TBC1D19: variants seen among roughly 807,000 people sequenced by gnomAD.
TBC1D19 encodes TBC1 domain family, member 19.
A neutral mutation model predicts 89.0 loss-of-function variants in TBC1D19; 60 were observed. That is an observed-to-expected ratio of 0.67 (90% CI 0.55 to 0.84). The LOEUF is 0.84. TBC1D19 is among the 40% of genes least tolerant of loss of function. The pLI, the probability that TBC1D19 is intolerant of heterozygous loss-of-function variation, is 0.00. For missense variants in TBC1D19, 500 were observed against 610.8 expected, an observed-to-expected ratio of 0.82 and a Z score of 1.91; for synonymous variants, 189 against 199.7, an observed-to-expected ratio of 0.95 and a Z score of 0.45.
intron 1 of TBC1D19, among the ~76,000 whole-genome samples, chr4:26,579,028 C>A (rs1042672719): frequency 3.3e-5 from 5 of 152,112 alleles, no homozygotes; most frequent in African/African-American, 9.7e-5. Context: ...AATGGGTTAG[C>A]CTTATTTGTG....
intron 8 of TBC1D19, 65 bp from the exon 9 acceptor site, chr4:26,666,268 T>C: frequency 7.6e-7 from 1 of 1,309,334 alleles, no homozygotes; most frequent in East Asian, 2.3e-5. Context: ...AAGGCAAAGG[T>C]GATCTTTTAA....
chr4:26,766,327 G>T, the TBC1D19 span, among the ~76,000 whole-genome samples: 1 of 152,180 alleles, frequency 6.6e-6, no homozygotes, highest in Non-Finnish European at 1.5e-5. Context: ...ACTGTATGAG[G>T]AACAGGAACT....
chr4:26,762,563 G>A, the TBC1D19 span, among the ~76,000 whole-genome samples: 2 of 152,064 alleles, frequency 1.3e-5, no homozygotes, highest in Admixed American at 6.6e-5. Flanking sequence ...AAGTAATGGC[G>A]CCATCCTTCC....
chr4:26,821,576 G>C, the TBC1D19 span, among the ~76,000 whole-genome samples: 395 of 152,286 alleles, frequency 2.6e-3, 1 homozygote, highest in African/African-American at 8.8e-3. Flanking sequence ...AATCTCACAG[G>C]ACCTAGATCT....
At chr4:26,856,188 AC>A in the TBC1D19 span, among the ~76,000 whole-genome samples, 64,294 of 151,808 alleles carry the variant, frequency 0.42, 14,272 homozygotes, top group Middle Eastern at 0.64. Context: ...TATGAGATGA[AC>A]TTTTTTTTAG....
At chr4:26,842,346 T>TTTCTTTTC in the TBC1D19 span, among the ~76,000 whole-genome samples, 5 of 123,624 alleles carry the variant, frequency 4.0e-5, no homozygotes, top group African/African-American at 1.5e-4. Flanking sequence ...TTTTCTTTTT[T>TTTCTTTTC]TTTTTTTTTT....
the TBC1D19 span, chr4:26,858,449 G>A: frequency 6.6e-6 from 1 of 152,298 alleles, no homozygotes; most frequent in Non-Finnish European, 1.5e-5. Context: ...GAAGGGAAAG[G>A]GAAAACAAAA....
chr4:26,705,127 G>T lies in TBC1D19; in HGVS notation c.955-12806G>T, dbSNP rs201829444. Among the ~76,000 whole-genome samples, 427 of 60,362 alleles carry T rather than the reference G, an allele frequency of 7.1e-3. 3 individuals carry two copies. The highest frequency in any genetic ancestry group is 0.015 in the African/African-American group (389 of 25,214). The allele number at this position is 60,362 out of a possible 152,430, so 39.6% of individuals were successfully genotyped here. On this transcript the variant is annotated intron_variant, in intron 13 of 20. Transcript: ENST00000264866. ...TTTTTGGATCAACTTGTTTTTTTTT[G>T]TTGTTGTTGTTGTTATTGTTGAGTC...
rs1560417636 is a variant in TBC1D19, at chr4:26,613,163, T to TCTC, written c.100-4_100-3insCCT. The TCTC allele has an allele frequency of 1.3e-6, 2 of 1,517,122 alleles. No individual in the cohort carries two copies. Among genetic ancestry groups the TCTC allele is most frequent in the East Asian group, 4.7e-5 (2 of 42,450 alleles). The allele number at this position is 1,517,122 out of a possible 1,614,324, so 94.0% of individuals were successfully genotyped here. ...CTTTCTTTTTTATTATTATTATTAT[T>TCTC]CTTAGGCCAGTCTTCAGAGACCTGA... On this transcript the variant is annotated splice_polypyrimidine_tract_variant and splice_region_variant and intron_variant, in intron 1 of 20. Coordinates refer to ENST00000264866, the MANE Select transcript of TBC1D19 (RefSeq NM_018317.4).
chr4:26,725,423 T>TC (rs1192156296), intron 15 of TBC1D19, among the ~76,000 whole-genome samples: 3 of 151,988 alleles, frequency 2.0e-5, no homozygotes, highest in East Asian at 3.9e-4. Context: ...TCTTTTTTTC[T>TC]CCCCCCAAGA....
intron 1 of TBC1D19, among the ~76,000 whole-genome samples, chr4:26,598,747 T>C (rs1740402869): frequency 6.6e-6 from 1 of 152,186 alleles, no homozygotes; most frequent in Non-Finnish European, 1.5e-5. Flanking sequence ...AGGAAAGATT[T>C]TGCCACTAAT....
intron 8 of TBC1D19, among the ~76,000 whole-genome samples, chr4:26,661,212 C>G (rs941887710): frequency 1.3e-5 from 2 of 152,130 alleles, no homozygotes; most frequent in African/African-American, 4.8e-5. Context: ...TCGGAGGCCT[C>G]AGACATAGAG....
intron 16 of TBC1D19, among the ~76,000 whole-genome samples, chr4:26,736,157 A>G (rs568395756): frequency 1.2e-5 from 1 of 85,950 alleles, no homozygotes; most frequent in African/African-American, 3.3e-5. Flanking sequence ...ATGTCTAACA[A>G]TGATAGACTG....
At chr4:26,651,434 C>G (rs1426321483) in intron 7 of TBC1D19, among the ~76,000 whole-genome samples, 1 of 152,142 alleles carries the variant, frequency 6.6e-6, no homozygotes, top group African/African-American at 2.4e-5. Context: ...TCCTTCACAT[C>G]CCTTGTAAGT....
At chr4:26,858,150 G>C in the TBC1D19 span, 1 of 152,176 alleles carries the variant, frequency 6.6e-6, no homozygotes, top group African/African-American at 2.4e-5. Flanking sequence ...AGATTAACCT[G>C]TCTGCACGTA....
intron 5 of TBC1D19, among the ~76,000 whole-genome samples, chr4:26,637,516 C>T (rs576938355): frequency 6.6e-6 from 1 of 152,050 alleles, no homozygotes; most frequent in African/African-American, 2.4e-5. Flanking sequence ...GGACTACAGG[C>T]ACCCGCCACC....
chr4:26,664,800 T>C (rs1711656133), intron 8 of TBC1D19, among the ~76,000 whole-genome samples: 1 of 152,174 alleles, frequency 6.6e-6, no homozygotes, highest in Admixed American at 6.5e-5. Flanking sequence ...TGACTATTTC[T>C]TTACCTCCTG....
the TBC1D19 span, among the ~76,000 whole-genome samples, chr4:26,773,070 A>G: frequency 4.6e-5 from 7 of 152,200 alleles, no homozygotes; most frequent in African/African-American, 1.7e-4. Flanking sequence ...GAACTAATTT[A>G]CACTGCCATC....
At chr4:26,788,842 G>C in the TBC1D19 span, among the ~76,000 whole-genome samples, 2 of 152,110 alleles carry the variant, frequency 1.3e-5, no homozygotes, top group Non-Finnish European at 2.9e-5. Flanking sequence ...GCAGTTGGAG[G>C]ATCCCTGAAG....
Sources: allele counts gnomAD v4.1 joint callset (sites outside exome capture counted in the v4.1 genomes callset), GRCh38; gene constraint gnomAD v4.1.1; transcripts MANE v1.5; gene names NCBI Gene and HGNC (gene_info 2026-07-23, HGNC 2026-07-21).